The following RPS6KA2 variants were observed in gnomAD, a reference collection of about 807,000 sequenced individuals.
RPS6KA2 encodes ribosomal protein S6 kinase A2, also known as ribosomal protein S6 kinase alpha-2.
In RPS6KA2, 42 loss-of-function variants were observed where a neutral mutation model predicts 91.8. The ratio of observed to expected loss-of-function variants is 0.46; its 90% CI spans 0.36 to 0.59. The LOEUF is 0.59. Among genes scored for constraint, RPS6KA2 ranks in the 20% least tolerant of loss-of-function variants. The probability of loss-of-function intolerance (pLI) is 0.00; values close to 1 mark genes in which losing one functional copy is unlikely to be tolerated. For synonymous variants in RPS6KA2, 414 were observed against 393.6 expected, an observed-to-expected ratio of 1.05 and a Z score of -0.61; for missense variants, 798 against 978.5, an observed-to-expected ratio of 0.82 and a Z score of 2.46.
chr6:166,575,383 G>A (rs538205241), intron 1 of RPS6KA2, among the ~76,000 whole-genome samples: 14 of 152,112 alleles, frequency 9.2e-5, no homozygotes, highest in Non-Finnish European at 1.8e-4. Context: ...CTGCCAAATC[G>A]AGCACGAGAG....
chr6:166,835,441 C>T (rs1171770617), intron 2 of RPS6KA2, among the ~76,000 whole-genome samples: 3 of 152,188 alleles, frequency 2.0e-5, no homozygotes, highest in Non-Finnish European at 4.4e-5. Flanking sequence ...TTTAGAACCT[C>T]CCTTTAAGCT....
chr6:166,680,418 C>G (rs1788756603), intron 2 of RPS6KA2, among the ~76,000 whole-genome samples: 1 of 152,166 alleles, frequency 6.6e-6, no homozygotes, highest in East Asian at 1.9e-4. Flanking sequence ...AGCAGGCCGC[C>G]CCAGCCAGGA....
chr6:166,766,103 G>A (rs557159880), intron 2 of RPS6KA2, among the ~76,000 whole-genome samples: 4 of 152,310 alleles, frequency 2.6e-5, no homozygotes, highest in African/African-American at 9.6e-5. Context: ...CGTCTTTGGG[G>A]TTGCATTGGT....
At chr6:166,676,646 G>T (rs528794156) in intron 2 of RPS6KA2, among the ~76,000 whole-genome samples, 1 of 152,288 alleles carries the variant, frequency 6.6e-6, no homozygotes, top group South Asian at 2.1e-4. Flanking sequence ...GAGCCCTCCC[G>T]TGAGGCCGGG....
intron 13 of RPS6KA2, among the ~76,000 whole-genome samples, chr6:166,450,753 G>A (rs1185958207): frequency 6.7e-6 from 1 of 149,524 alleles, no homozygotes; most frequent in Non-Finnish European, 1.5e-5. Context: ...ACCACCATGG[G>A]GACCACCACA....
In RPS6KA2 at chr6:166,825,351, T is replaced by C. The variant is rs1186145553; in HGVS notation, c.123+32849A>G. 6.6e-6 allele frequency among the ~76,000 whole-genome samples: 1 copy of C among 152,100 alleles called. No homozygotes were observed. Among genetic ancestry groups the C allele is most frequent in the Admixed American group, 6.5e-5 (1 of 15,280 alleles). On this transcript the variant is annotated intron_variant, in intron 2 of 21. Transcript: ENST00000503859. The surrounding 1 kb of genome is among the most constrained non-coding windows in gnomAD (Gnocchi z 4.1). ...TATTCTGAAGAGAATAACTTTAACC[T>C]CTCATTCCCAGGTAACGCCTGGAGT...
chr6:166,524,277 G>C (rs771469490), intron 3 of RPS6KA2, among the ~76,000 whole-genome samples: 64 of 152,162 alleles, frequency 4.2e-4, no homozygotes, highest in Admixed American at 2.0e-4. Flanking sequence ...GAAAATGCTT[G>C]AAAACTAGTT....
intron 2 of RPS6KA2, among the ~76,000 whole-genome samples, chr6:166,538,047 A>G (rs966315490): frequency 2.0e-5 from 3 of 152,258 alleles, no homozygotes; most frequent in African/African-American, 7.2e-5. Context: ...GTGACAAAAA[A>G]GGGAAATGAA....
At chr6:166,522,053 C>T (rs1027532292) in intron 3 of RPS6KA2, among the ~76,000 whole-genome samples, 4 of 152,176 alleles carry the variant, frequency 2.6e-5, no homozygotes, top group African/African-American at 9.7e-5. Flanking sequence ...GGCACAAAAT[C>T]TGACACAGCC....
rs767376424 is a variant in RPS6KA2 at position 166,448,880 on chromosome 6, C to T, written c.1207-31G>A. On this transcript the variant is annotated intron_variant, in intron 13 of 20. Coordinates refer to ENST00000265678, the MANE Select transcript of RPS6KA2 (RefSeq NM_021135.6). This position sits in a 1 kb window ranked among gnomAD's most constrained non-coding sequence, Gnocchi z 4.7. ...GAGGGACCAAGAGAAGAAGAGTTGT[C>T]GGAACCCTCACACGAGGGGACGGTG... The T allele has an allele frequency of 6.8e-6, 11 of 1,611,594 alleles. No homozygotes were observed. The highest frequency in any genetic ancestry group is 4.5e-5 in the East Asian group (2 of 44,826).
intron 2 of RPS6KA2, among the ~76,000 whole-genome samples, chr6:166,788,263 T>C (rs1012445215): frequency 6.6e-6 from 1 of 152,226 alleles, no homozygotes; most frequent in Admixed American, 6.5e-5. Flanking sequence ...TCAACCATTG[T>C]GGAGGACAGT....
At chr6:166,522,476 C>T (rs533220930) in intron 3 of RPS6KA2, among the ~76,000 whole-genome samples, 2 of 152,308 alleles carry the variant, frequency 1.3e-5, no homozygotes, top group African/African-American at 4.8e-5. Flanking sequence ...CAGTCAGAGG[C>T]TCGATGATGC....
chr6:166,858,144 C>G (rs9459780), intron 2 of RPS6KA2: 171,353 of 1,053,706 alleles, frequency 0.16, 16,142 homozygotes, highest in Non-Finnish European at 0.19. Flanking sequence ...CCTTCACCAC[C>G]TTCTGGGCCC....
At chr6:166,772,813 T>A (rs1583101708) in intron 2 of RPS6KA2, among the ~76,000 whole-genome samples, 1 of 152,192 alleles carries the variant, frequency 6.6e-6, no homozygotes, top group East Asian at 1.9e-4. Context: ...AAATTTTTCA[T>A]ATTGTCTTGT....
chr6:166,818,232 G>T (rs1011331494), intron 2 of RPS6KA2, among the ~76,000 whole-genome samples: 1 of 151,966 alleles, frequency 6.6e-6, no homozygotes, highest in African/African-American at 2.4e-5. Flanking sequence ...TAAAATCCAG[G>T]ATCAAATCAT....
Position 166,699,784 on chromosome 6 carries a change from T to C in RPS6KA2, c.123+158416A>G, listed in dbSNP as rs144105714. ...TTGTATTCTCTATCTTTTGACTTTTTTTTCCAAAGAACTGATTGCACAGTA... is the reference window on the plus strand; with the variant it reads ...TTGTATTCTCTATCTTTTGACTTTTCTTTCCAAAGAACTGATTGCACAGTA... On this transcript the variant is annotated intron_variant, in intron 2 of 21. Coordinates refer to the RPS6KA2 transcript ENST00000503859. Among the ~76,000 whole-genome samples, 73 of 152,374 alleles carry C rather than the reference T, an allele frequency of 4.8e-4. No individual in the cohort carries two copies. The East Asian group carries it at 0.013, about 28-fold the overall frequency.
rs191646460 is a variant in RPS6KA2, at chr6:166,769,537, T to C, written c.123+88663A>G. 1.2e-3 allele frequency among the ~76,000 whole-genome samples: 184 copies of C among 152,352 alleles called. 1 individual carries two copies. Among genetic ancestry groups the C allele is most frequent in the Non-Finnish European group, 2.9e-4 (20 of 68,030 alleles). On this transcript the variant is annotated intron_variant, in intron 2 of 21. Coordinates refer to the RPS6KA2 transcript ENST00000503859. ...GAAATAGTCAGAACCAGCTTGAGAT[T>C]CTGTGTGCCCACCCCTCACCTTTGC...
chr6:166,801,847 G>A (rs569223660), intron 2 of RPS6KA2, among the ~76,000 whole-genome samples: 1 of 152,202 alleles, frequency 6.6e-6, no homozygotes, highest in South Asian at 2.1e-4. Context: ...CCTTTTAGTT[G>A]TGTGAATGGT....
At chr6:166,558,146 T>TGG (rs1034110299) in intron 1 of RPS6KA2, among the ~76,000 whole-genome samples, 2 of 147,654 alleles carry the variant, frequency 1.4e-5, no homozygotes, top group Non-Finnish European at 3.0e-5. Flanking sequence ...TCTATGTATG[T>TGG]GGGGAGAGAG....
Sources: gnomAD v4.1 joint callset for allele counts (sites outside exome capture counted in the v4.1 genomes callset) on GRCh38, gnomAD v4.1.1 for gene constraint, Gnocchi (gnomAD v3.1) non-coding constraint, MANE v1.5 for transcripts, NCBI Gene and HGNC (gene_info 2026-07-23, HGNC 2026-07-21) for gene names.